The following RNF168 variants were observed in gnomAD, a reference collection of about 807,000 sequenced individuals.
RNF168 encodes E3 ubiquitin-protein ligase RNF168.
A neutral mutation model predicts 34.9 loss-of-function variants in RNF168; 34 were observed. That is an observed-to-expected ratio of 0.97 (90% CI 0.74 to 1.30). RNF168 has a LOEUF of 1.30. RNF168 is among the 50% of genes most tolerant of loss of function. RNF168 has a pLI of 0.00. For missense variants in RNF168, 725 were observed against 682.5 expected, an observed-to-expected ratio of 1.06 and a Z score of -0.69; for synonymous variants, 264 against 254.7, an observed-to-expected ratio of 1.04 and a Z score of -0.35.
chr3:196,499,604 C>A (rs1461594925), intron 1 of RNF168, among the ~76,000 whole-genome samples: 6 of 152,106 alleles, frequency 3.9e-5, no homozygotes, highest in African/African-American at 1.4e-4. Flanking sequence ...AGGTGGATCA[C>A]GAGGTCAAGA....
Position 196,493,586 on chromosome 3 carries a change from C to T in RNF168, c.302-4903G>A, listed in dbSNP as rs554070179. On this transcript the variant is annotated intron_variant, in intron 1 of 5. Coordinates refer to ENST00000318037, the MANE Select transcript of RNF168 (RefSeq NM_152617.4). ...TGTTGCCCAGGCTGGAGTACAATGGCGCAATCTCAGGTAACTGCAGCCTCC... is the reference window on the plus strand; with the variant it reads ...TGTTGCCCAGGCTGGAGTACAATGGTGCAATCTCAGGTAACTGCAGCCTCC... Among the ~76,000 whole-genome samples the T allele has an allele frequency of 5.5e-4, 84 of 152,202 alleles. 1 individual carries two copies. Among genetic ancestry groups the T allele is most frequent in the African/African-American group, 2.0e-3 (81 of 41,526 alleles).
At chr3:196,479,042 A>C (rs1269637833) in intron 4 of RNF168, among the ~76,000 whole-genome samples, 1 of 143,138 alleles carries the variant, frequency 7.0e-6, no homozygotes, top group African/African-American at 2.6e-5. Context: ...ACGGCGTCTC[A>C]CTCTATTGCC....
At chr3:196,488,825 T>C (rs1388696604) in intron 1 of RNF168, 142 bp from the exon 2 acceptor site, 11 of 423,118 alleles carry the variant, frequency 2.6e-5, no homozygotes, top group African/African-American at 1.3e-4. Flanking sequence ...ATTTTTAACA[T>C]TTATTTTATT....
chr3:196,497,151 GA>G (rs201204171), intron 1 of RNF168, among the ~76,000 whole-genome samples: 1 of 148,504 alleles, frequency 6.7e-6, no homozygotes, highest in Admixed American at 6.7e-5. Flanking sequence ...GTCTCAAAAA[GA>G]AAAAAAAAGA....
intron 1 of RNF168, among the ~76,000 whole-genome samples, chr3:196,488,980 G>A: frequency 6.6e-6 from 1 of 151,906 alleles, no homozygotes; most frequent in East Asian, 1.9e-4. Flanking sequence ...GCCTTCTCCT[G>A]AGCAGCTGGG....
At chr3:196,494,208 G>A (rs1284498155) in intron 1 of RNF168, among the ~76,000 whole-genome samples, 1 of 152,026 alleles carries the variant, frequency 6.6e-6, no homozygotes, top group African/African-American at 2.4e-5. Context: ...CAGTTTTATA[G>A]TCTTAAAGTG....
In RNF168 at chr3:196,482,656, G is replaced by A. The variant is rs141481033; in HGVS notation, c.680+1114C>T. 2.7e-3 allele frequency among the ~76,000 whole-genome samples: 405 copies of A among 152,242 alleles called. 3 individuals are homozygous for A. Among genetic ancestry groups the A allele is most frequent in the Admixed American group, 2.9e-3 (44 of 15,274 alleles). On this transcript the variant is annotated intron_variant, in intron 4 of 5. Coordinates refer to ENST00000318037, the MANE Select transcript of RNF168 (RefSeq NM_152617.4). ...ATAGCCATCCTAATGGGTATGAAAT[G>A]CTATATCACTGTGGTTTTGATATGC...
rs1731980434 is a variant in RNF168, at chr3:196,470,855, A to T, written c.*964T>A. 1 of 152,386 alleles carries T rather than the reference A, an allele frequency of 6.6e-6. No homozygotes were observed. Among genetic ancestry groups the T allele is most frequent in the Non-Finnish European group, 1.5e-5 (1 of 68,226 alleles). 9.4% of individuals were successfully genotyped at this position (152,386 alleles called of 1,614,324 possible). On this transcript the variant is annotated 3_prime_UTR_variant, in exon 6 of 6. Coordinates refer to ENST00000318037, the MANE Select transcript of RNF168 (RefSeq NM_152617.4). ...TTTCCTAGAAAACCCTGATTTTCTGATTTAACACTGATTCGAATCCACTTT... is the reference window on the plus strand; with the variant it reads ...TTTCCTAGAAAACCCTGATTTTCTGTTTTAACACTGATTCGAATCCACTTT...
In RNF168 at chr3:196,472,381, A is replaced by G. The variant is rs760494884; in HGVS notation, c.1154T>C (p.Ile385Thr). Residue 385 changes from isoleucine (I) to threonine (T), a missense_variant, in exon 6 of 6, where the codon ATT becomes ACT. Physicochemically the swap from Ile to Thr is moderately conservative, Grantham distance 89. Transcript: ENST00000318037. ...AGATTCTTGGTTTTTTCTTTTGGAAATCTCCTTACTGATCAGTAGGCACGA... is the reference window on the plus strand; with the variant it reads ...AGATTCTTGGTTTTTTCTTTTGGAAGTCTCCTTACTGATCAGTAGGCACGA... ...EESCLLISKEISKRKNQESSF... is the reference protein window; with the variant it reads ...EESCLLISKETSKRKNQESSF... 5.0e-6 allele frequency: 8 copies of G among 1,613,608 alleles called. No homozygotes were observed. The highest frequency in any genetic ancestry group is 3.3e-4 in the Middle Eastern group (2 of 6,082).
chr3:196,493,053 T>G (rs1445044240), intron 1 of RNF168, among the ~76,000 whole-genome samples: 1 of 152,180 alleles, frequency 6.6e-6, no homozygotes, highest in Non-Finnish European at 1.5e-5. Flanking sequence ...AACTTCCATG[T>G]GATGAAAGAC....
chr3:196,499,700 A>G (rs765658133), intron 1 of RNF168, among the ~76,000 whole-genome samples: 7 of 152,158 alleles, frequency 4.6e-5, no homozygotes, highest in Non-Finnish European at 7.4e-5. Context: ...GCATGCCTGT[A>G]ATCCCAGCTA....
intron 5 of RNF168, among the ~76,000 whole-genome samples, chr3:196,474,588 C>T (rs888371113): frequency 3.9e-5 from 6 of 152,030 alleles, no homozygotes; most frequent in African/African-American, 1.4e-4. Flanking sequence ...GCTGGGATTA[C>T]AGGCATGCGC....
At chr3:196,475,348 A>G (rs982627594) in intron 4 of RNF168, 36 bp from the exon 5 acceptor site, 1 of 1,215,690 alleles carries the variant, frequency 8.2e-7, no homozygotes, top group Admixed American at 1.7e-5. Context: ...CAATGCTTTC[A>G]AAGACAGATG....
At chr3:196,487,230 G>C (rs1159437660) in intron 3 of RNF168, among the ~76,000 whole-genome samples, 169 bp downstream of exon 3, 1 of 152,172 alleles carries the variant, frequency 6.6e-6, no homozygotes, top group Non-Finnish European at 1.5e-5. Context: ...TTAGCTTTCC[G>C]TATCAGCAGG....
chr3:196,478,795 T>C (rs577957066), intron 4 of RNF168, among the ~76,000 whole-genome samples: 4 of 151,106 alleles, frequency 2.6e-5, no homozygotes, highest in Admixed American at 1.3e-4. Context: ...GCCTCCCAAG[T>C]AGCTGGGATT....
In RNF168 at chr3:196,503,286, G is replaced by A; in HGVS notation, c.-113C>T. 1.1e-6 allele frequency: 1 copy of A among 915,514 alleles called. No individual in the cohort carries two copies. Among genetic ancestry groups the A allele is most frequent in the East Asian group, 2.6e-5 (1 of 38,508 alleles). 56.7% of individuals were successfully genotyped at this position (915,514 alleles called of 1,614,324 possible). ...GTTTTGTGTTTCAGTATTATGCCCA[G>A]AAGCGTATCAGAATTCGGAGAACAG... On this transcript the variant is annotated 5_prime_UTR_variant, in exon 1 of 6. Transcript: ENST00000318037.
At position 196,472,470 on chromosome 3, in the gene RNF168, G is replaced by A. The variant is rs762533665; in HGVS notation, c.1065C>T (p.Cys355=). The change falls in exon 6 of 6, where the codon TGC becomes TGT. Residue 355 remains cysteine, a synonymous_variant. Coordinates refer to ENST00000318037, the MANE Select transcript of RNF168 (RefSeq NM_152617.4). ...VMPCGRTESG[C]APTSGVTQTN... is the part of the protein sequence containing the mutation. The stretch of plus-strand genomic sequence containing the variant: ...TCTGTGTCACCCCTGATGTGGGGGC[G>A]CACCCACTTTCTGTTCTGCCACAAG... 2.5e-5 allele frequency: 41 copies of A among 1,613,954 alleles called. No homozygotes were observed. Among genetic ancestry groups the A allele is most frequent in the Middle Eastern group, 3.3e-4 (2 of 6,084 alleles).
Position 196,502,918 on chromosome 3 carries a change from T to G in RNF168, c.256A>C (p.Arg86=), listed in dbSNP as rs767776820. 1.8e-5 allele frequency: 29 copies of G among 1,613,950 alleles called. No individual in the cohort carries two copies. Among genetic ancestry groups the G allele is most frequent in the Non-Finnish European group, 2.2e-5 (26 of 1,179,974 alleles). The change falls in exon 1 of 6, where the codon AGG becomes CGG. Residue 86 remains arginine, a synonymous_variant. Transcript: ENST00000318037. ...CCAGACGCTCTAAGCTTGCACTCCC[T>G]GGGATAGTGTTTTTGAATTATCGTC... ...LWTIIQKHYP[R]ECKLRASGQE... is the part of the protein sequence containing the mutation.
rs145369958 is a variant in RNF168 at position 196,472,260 on chromosome 3, A to C, written c.1275T>G (p.Phe425Leu). Reference sequence around the variant, plus strand: ...GCTCCAAATCTATCAGTTTTTGGGTAAAGTTTATTTCTGTTTCCTCTTGAT... The same window carrying C: ...GCTCCAAATCTATCAGTTTTTGGGTCAAGTTTATTTCTGTTTCCTCTTGAT... ...SPDQEETEIN[F>L]TQKLIDLEHL... is the part of the protein sequence containing the mutation. Residue 425 changes from phenylalanine to leucine, a missense_variant, in exon 6 of 6, where the codon TTT becomes TTG. Phe to Leu is a conservative substitution (Grantham distance 22). Transcript: ENST00000318037. The C allele has an allele frequency of 4.1e-4, 667 of 1,614,052 alleles. 2 individuals carry two copies. The highest frequency in any genetic ancestry group is 2.2e-4 in the Non-Finnish European group (254 of 1,179,940).
Sources: gnomAD v4.1 joint callset for allele counts (sites outside exome capture counted in the v4.1 genomes callset) on GRCh38, gnomAD v4.1.1 for gene constraint, MANE v1.5 for transcripts, NCBI Gene and HGNC (gene_info 2026-07-23, HGNC 2026-07-21) for gene names.